Variants in SPATS2L observed in about 807,000 individuals in gnomAD.
SPATS2L encodes SPATS2-like protein.
Under a neutral mutation model 59.6 loss-of-function variants are expected in SPATS2L, and 30 were observed. The ratio of observed to expected loss-of-function variants is 0.50; its 90% CI spans 0.38 to 0.68. The LOEUF (loss-of-function observed/expected upper bound fraction) is 0.68. Ranked by LOEUF, SPATS2L falls within the 30% of genes least tolerant of loss-of-function variation. The pLI is 0.00. For synonymous variants in SPATS2L, 252 were observed against 263.5 expected (o/e 0.96, Z 0.42); for missense variants, 615 against 700.0 (o/e 0.88, Z 1.37).
At chr2:200,413,123 G>A (rs567613947) in intron 4 of SPATS2L, among the ~76,000 whole-genome samples, 1 of 152,088 alleles carries the variant, frequency 6.6e-6, no homozygotes, top group African/African-American at 2.4e-5. Flanking sequence ...AATGTATTTT[G>A]GTCCTTATCT....
At chr2:200,376,454 A>G (rs1383388562) in intron 2 of SPATS2L, among the ~76,000 whole-genome samples, 1 of 152,244 alleles carries the variant, frequency 6.6e-6, no homozygotes, top group Non-Finnish European at 1.5e-5. Flanking sequence ...TGTTGATACA[A>G]TTACCTGAAA....
At chr2:200,341,860 T>G (rs192937600) in intron 2 of SPATS2L, among the ~76,000 whole-genome samples, 78 of 152,064 alleles carry the variant, frequency 5.1e-4, no homozygotes, top group African/African-American at 1.8e-3. Flanking sequence ...CAGATATTTT[T>G]TTTGTATTTT....
At chr2:200,310,369 C>A (rs1011183683) in intron 1 of SPATS2L, among the ~76,000 whole-genome samples, 3 of 152,188 alleles carry the variant, frequency 2.0e-5, no homozygotes, top group African/African-American at 7.2e-5. Context: ...TTAACTCTTC[C>A]TTTTTAATGG....
Position 200,416,373 on chromosome 2 carries a change from ATC to A in SPATS2L, c.149-4_149-3del, listed in dbSNP as rs369351919. On this transcript the variant is annotated splice_region_variant and splice_polypyrimidine_tract_variant and intron_variant, in intron 4 of 12. Transcript: ENST00000409140. ...TATTTGTTGAAGATTCTTTGTCTTT[ATC>A]TAGGCAGTGCAATTCAAGTTCTAAA... 9 of 1,453,964 alleles carry A rather than the reference ATC, an allele frequency of 6.2e-6. No individual in the cohort carries two copies. In the East Asian group the frequency reaches 2.0e-4, roughly 33 times the overall value. The allele number at this position is 1,453,964 out of a possible 1,614,324, so 90.1% of individuals were successfully genotyped here.
intron 6 of SPATS2L, among the ~76,000 whole-genome samples, chr2:200,434,532 G>GATATAAGTTCAAT (rs1387137743): frequency 6.6e-6 from 1 of 152,036 alleles, no homozygotes; most frequent in East Asian, 1.9e-4. Flanking sequence ...CAGGTCGCTA[G>GATATAAGTTCAAT]ATATAAGTTC....
intron 8 of SPATS2L, among the ~76,000 whole-genome samples, 199 bp from the exon 9 acceptor site, chr2:200,459,570 A>G (rs1200993503): frequency 6.6e-6 from 1 of 152,340 alleles, no homozygotes; most frequent in Non-Finnish European, 1.5e-5. Context: ...AGATGTCACT[A>G]TGTAATCCTT....
At chr2:200,439,068 C>G in intron 6 of SPATS2L, 54 bp from the exon 7 acceptor site, 1 of 1,479,332 alleles carries the variant, frequency 6.8e-7, no homozygotes, top group African/African-American at 1.4e-5. Context: ...ATCACTTTAT[C>G]GTCAGTGTTT....
chr2:200,432,705 G>A (rs2084014047), intron 6 of SPATS2L, among the ~76,000 whole-genome samples: 1 of 152,188 alleles, frequency 6.6e-6, no homozygotes, highest in African/African-American at 2.4e-5. Flanking sequence ...GTTGGAATTA[G>A]CAGACAAGGA....
At chr2:200,329,550 C>A in intron 2 of SPATS2L, 70 bp downstream of exon 2, 1 of 1,381,450 alleles carries the variant, frequency 7.2e-7, no homozygotes, top group Non-Finnish European at 1.0e-6. Context: ...CCTACACCTG[C>A]AGCTGCCTCC....
intron 10 of SPATS2L, among the ~76,000 whole-genome samples, chr2:200,468,434 T>G (rs1390921521): frequency 1.4e-5 from 2 of 145,748 alleles, no homozygotes; most frequent in Non-Finnish European, 3.0e-5. Context: ...AAGACACAGC[T>G]GCTGCTAGCT....
chr2:200,382,090 C>T (rs1375026489), intron 2 of SPATS2L, among the ~76,000 whole-genome samples: 2 of 152,108 alleles, frequency 1.3e-5, no homozygotes, highest in African/African-American at 4.8e-5. Context: ...TGGAGTCACT[C>T]TGTCACCCAG....
At chr2:200,424,308 G>A (rs778943094) in intron 6 of SPATS2L, among the ~76,000 whole-genome samples, 15 of 146,514 alleles carry the variant, frequency 1.0e-4, no homozygotes, top group Non-Finnish European at 2.0e-4. Flanking sequence ...GCAACATAGC[G>A]AGCTCTTATC....
chr2:200,448,322 A>G lies in SPATS2L; in HGVS notation c.788+7538A>G, dbSNP rs191087321. Among the ~76,000 whole-genome samples the G allele has an allele frequency of 2.4e-3, 362 of 152,128 alleles. 1 individual carries two copies. The highest frequency in any genetic ancestry group is 8.3e-3 in the African/African-American group (345 of 41,502). On this transcript the variant is annotated intron_variant, in intron 8 of 12. Coordinates refer to ENST00000409140, the MANE Select transcript of SPATS2L (RefSeq NM_001100423.2). ...CCCGGTGTGGTGGTGCATGCCTGCA[A>G]TCCCAGCTACTCAGGAAGCTGAGGC...
chr2:200,446,246 G>A (rs2085036518), intron 8 of SPATS2L, among the ~76,000 whole-genome samples: 1 of 152,110 alleles, frequency 6.6e-6, no homozygotes, highest in African/African-American at 2.4e-5. Context: ...GAGGTGGGAG[G>A]ATCGCTTAAG....
intron 11 of SPATS2L, among the ~76,000 whole-genome samples, chr2:200,470,356 G>C (rs2086931553): frequency 6.6e-6 from 1 of 152,238 alleles, no homozygotes; most frequent in African/African-American, 2.4e-5. Flanking sequence ...GTTAGGCAGA[G>C]AGAGTGAGTC....
chr2:200,397,458 C>T lies in SPATS2L; in HGVS notation c.39+8175C>T, dbSNP rs188629802. Among the ~76,000 whole-genome samples, 314 of 152,120 alleles carry T rather than the reference C, an allele frequency of 2.1e-3. 4 individuals carry two copies. Among genetic ancestry groups the T allele is most frequent in the African/African-American group, 7.1e-3 (294 of 41,476 alleles). ...TAACCTTGTACACTGGAAATCTGTT[C>T]GGATAGATTAGACAGACAGGTAGAC... On this transcript the variant is annotated intron_variant, in intron 3 of 12. Coordinates refer to ENST00000409140, the MANE Select transcript of SPATS2L (RefSeq NM_001100423.2).
At chr2:200,472,533 G>T (rs1187083751) in intron 11 of SPATS2L, among the ~76,000 whole-genome samples, 1 of 152,104 alleles carries the variant, frequency 6.6e-6, no homozygotes, top group African/African-American at 2.4e-5. Context: ...CTTTTCCCTT[G>T]GTGGTTCTTG....
intron 6 of SPATS2L, among the ~76,000 whole-genome samples, chr2:200,431,451 A>T (rs1241221669): frequency 5.9e-5 from 9 of 152,228 alleles, no homozygotes; most frequent in Admixed American, 5.9e-4. Flanking sequence ...CAACAAAGTT[A>T]TGCTTTGTTT....
At chr2:200,306,496 C>G (rs1347836795), upstream of SPATS2L, 6 of 1,002,122 alleles carry the variant, frequency 6.0e-6, no homozygotes, top group Non-Finnish European at 7.2e-6. Flanking sequence ...GGGACGAGAT[C>G]TGTGTCAGAA....
Sources: allele counts gnomAD v4.1 joint callset (sites outside exome capture counted in the v4.1 genomes callset), GRCh38; gene constraint gnomAD v4.1.1; transcripts MANE v1.5; gene names NCBI Gene and HGNC (gene_info 2026-07-23, HGNC 2026-07-21).